TENM3: variants seen among roughly 807,000 people sequenced by gnomAD.
The protein encoded by TENM3 is teneurin transmembrane protein 3, also known as teneurin-3.
In TENM3, 63 loss-of-function variants were observed where a neutral mutation model predicts 255.1. The ratio of observed to expected loss-of-function variants is 0.25; its 90% CI spans 0.20 to 0.30. TENM3 has a LOEUF of 0.30. Among genes scored for constraint, TENM3 ranks in the 10% least tolerant of loss-of-function variants. TENM3 has a pLI of 1.00. For synonymous variants in TENM3, 1,306 were observed against 1,322.3 expected (o/e 0.99, Z 0.27); for missense variants, 2,929 against 3,461.1 (o/e 0.85, Z 3.86).
At chr4:181,963,339 T>G in the TENM3 span, among the ~76,000 whole-genome samples, 1 of 152,252 alleles carries the variant, frequency 6.6e-6, no homozygotes, top group Non-Finnish European at 1.5e-5. Flanking sequence ...TCTACACTTC[T>G]CTTTCCCTTT....
chr4:181,738,724 C>G, the TENM3 span, among the ~76,000 whole-genome samples: 1 of 152,048 alleles, frequency 6.6e-6, no homozygotes, highest in African/African-American at 2.4e-5. Context: ...TCTGAACCCC[C>G]CTCCTAAATT....
chr4:181,525,810 G>A, the TENM3 span, among the ~76,000 whole-genome samples: 2 of 152,200 alleles, frequency 1.3e-5, no homozygotes, highest in Non-Finnish European at 2.9e-5. Context: ...GGGCAGCTGG[G>A]TGAGTGCCCT....
chr4:181,796,979 G>A, the TENM3 span, among the ~76,000 whole-genome samples: 1 of 152,024 alleles, frequency 6.6e-6, no homozygotes, highest in African/African-American at 2.4e-5. Context: ...CCATGTTGTG[G>A]GTGAGTTTAT....
chr4:182,357,119 G>T (rs1765606726), intron 3 of TENM3, among the ~76,000 whole-genome samples: 1 of 152,018 alleles, frequency 6.6e-6, no homozygotes, highest in Admixed American at 6.6e-5. Flanking sequence ...GTCTATCGTT[G>T]TTGGACATTT....
chr4:181,557,612 G>A, the TENM3 span, among the ~76,000 whole-genome samples: 1 of 151,852 alleles, frequency 6.6e-6, no homozygotes. Flanking sequence ...CTGCAGCTTC[G>A]ACTTCCCAGG....
intron 11 of TENM3, among the ~76,000 whole-genome samples, chr4:182,685,022 A>G (rs1756465640): frequency 6.6e-6 from 1 of 152,094 alleles, no homozygotes; most frequent in Non-Finnish European, 1.5e-5. Context: ...GCTACTCTTT[A>G]CCTACTACAG....
the TENM3 span, among the ~76,000 whole-genome samples, chr4:181,462,781 T>A: frequency 6.6e-6 from 1 of 152,206 alleles, no homozygotes; most frequent in Non-Finnish European, 1.5e-5. Flanking sequence ...TGCATTTCCA[T>A]CTGTAGGGAT....
chr4:182,223,887 G>C (rs904375324), intron 1 of TENM3, among the ~76,000 whole-genome samples: 2 of 151,746 alleles, frequency 1.3e-5, no homozygotes, highest in African/African-American at 4.8e-5. Context: ...ACTAAAAGCA[G>C]TGGCCTGTCC....
At chr4:181,733,707 C>T in the TENM3 span, among the ~76,000 whole-genome samples, 1 of 152,164 alleles carries the variant, frequency 6.6e-6, no homozygotes, top group African/African-American at 2.4e-5. Flanking sequence ...GGCTCCAGAT[C>T]TGAATCAAGA....
At chr4:182,083,455 G>A in the TENM3 span, among the ~76,000 whole-genome samples, 10 of 152,264 alleles carry the variant, frequency 6.6e-5, no homozygotes, top group South Asian at 1.9e-3. Flanking sequence ...TGATGGAGAA[G>A]AAATGTGTTA....
intron 4 of TENM3, among the ~76,000 whole-genome samples, chr4:182,610,684 A>AT (rs1167711144): frequency 1.3e-5 from 2 of 148,710 alleles, no homozygotes; most frequent in African/African-American, 5.0e-5. Context: ...CCCTCTCTCT[A>AT]TTTTTTTCTC....
At chr4:182,491,389 A>G (rs75888350) in intron 3 of TENM3, among the ~76,000 whole-genome samples, 16 of 150,912 alleles carry the variant, frequency 1.1e-4, no homozygotes, top group Admixed American at 2.6e-4. Context: ...AGTGAAATTT[A>G]TGTGTGTGTG....
the TENM3 span, among the ~76,000 whole-genome samples, chr4:181,515,837 C>CATATA: frequency 6.6e-6 from 1 of 152,078 alleles, no homozygotes; most frequent in Non-Finnish European, 1.5e-5. Flanking sequence ...ACAGCAATCC[C>CATATA]CTTACTGGGA....
the TENM3 span, among the ~76,000 whole-genome samples, chr4:181,683,168 G>A: frequency 1.3e-5 from 2 of 152,040 alleles, no homozygotes; most frequent in African/African-American, 4.8e-5. Flanking sequence ...TATCCCTAAT[G>A]TATATTGAGC....
the TENM3 span, among the ~76,000 whole-genome samples, chr4:181,933,813 A>G: frequency 2.0e-5 from 3 of 152,208 alleles, no homozygotes; most frequent in African/African-American, 7.2e-5. Context: ...CTACGATATC[A>G]CAAGAAATAT....
At chr4:182,434,519 C>G (rs1196250105) in intron 3 of TENM3, among the ~76,000 whole-genome samples, 1 of 151,694 alleles carries the variant, frequency 6.6e-6, no homozygotes, top group East Asian at 2.0e-4. Flanking sequence ...AAAAATTAGC[C>G]GAGCGTGATG....
chr4:182,378,726 A>C (rs2150905567), intron 3 of TENM3, among the ~76,000 whole-genome samples: 1 of 152,278 alleles, frequency 6.6e-6, no homozygotes, highest in South Asian at 2.1e-4. Flanking sequence ...TGGATTTGAA[A>C]AGATTTTGAA....
chr4:182,000,398 T>C, the TENM3 span, among the ~76,000 whole-genome samples: 45 of 151,920 alleles, frequency 3.0e-4, no homozygotes, highest in Non-Finnish European at 4.9e-4. Context: ...TCCCAAAGCA[T>C]TGAGAACCTG....
chr4:181,509,160 G>T, the TENM3 span, among the ~76,000 whole-genome samples: 1 of 151,948 alleles, frequency 6.6e-6, no homozygotes, highest in South Asian at 2.1e-4. Flanking sequence ...GGTGTAAACT[G>T]AAAGGCAATT....
Sources: gnomAD v4.1 joint callset for allele counts (sites outside exome capture counted in the v4.1 genomes callset) on GRCh38, gnomAD v4.1.1 for gene constraint, MANE v1.5 for transcripts, NCBI Gene and HGNC (gene_info 2026-07-23, HGNC 2026-07-21) for gene names.